Variants in ABR observed in about 807,000 individuals in gnomAD.
ABR encodes the protein ABR activator of RhoGEF and GTPase.
Under a neutral mutation model 107.2 loss-of-function variants are expected in ABR, and 35 were observed. The observed-to-expected ratio is 0.33, with a 90% CI of 0.25 to 0.43. ABR has a LOEUF of 0.43. Ranked by LOEUF, ABR falls within the 20% of genes least tolerant of loss-of-function variation. The pLI, the probability that ABR is intolerant of heterozygous loss-of-function variation, is 1.00. For missense variants in ABR, 815 were observed against 1,115.2 expected (o/e 0.73, Z 3.83); for synonymous variants, 498 against 462.0 (o/e 1.08, Z -1.00).
At chr17:1,059,271 C>A (rs2151084936) in intron 10 of ABR, among the ~76,000 whole-genome samples, 1 of 152,330 alleles carries the variant, frequency 6.6e-6, no homozygotes, top group Non-Finnish European at 1.5e-5. Context: ...TGGTGCCAAG[C>A]CCTTTCCCTG....
intron 1 of ABR, among the ~76,000 whole-genome samples, chr17:1,225,444 G>C (rs1256781835): frequency 1.3e-5 from 2 of 152,108 alleles, no homozygotes; most frequent in Non-Finnish European, 2.9e-5. Context: ...CCTGAGGTCA[G>C]GAGTTCAAGA....
At position 1,057,024 on chromosome 17, in the gene ABR, T is replaced by C; in HGVS notation, c.1460A>G (p.Asn487Ser). 6.2e-7 allele frequency: 1 copy of C among 1,611,710 alleles called. No individual in the cohort carries two copies. Among genetic ancestry groups the C allele is most frequent in the South Asian group, 1.1e-5 (1 of 90,982 alleles). The change falls in exon 13 of 23, where the codon AAC (asparagine) becomes AGC (serine). Residue 487 changes from asparagine to serine, a missense_variant. By Grantham distance (46) the Asn-to-Ser change is conservative. Transcript: ENST00000302538. ...GSCFKLRTVH[N>S]IPVTSNKDDD... Reference sequence around the variant, plus strand: ...GTCTTTATTGCTGGTGACAGGAATGTTGTGTACAGTCCTAAGCTTGAAACA... The same window carrying C: ...GTCTTTATTGCTGGTGACAGGAATGCTGTGTACAGTCCTAAGCTTGAAACA...
chr17:1,153,362 T>G (rs925344389), intron 1 of ABR, among the ~76,000 whole-genome samples: 1 of 148,472 alleles, frequency 6.7e-6, no homozygotes, highest in Non-Finnish European at 1.5e-5. Context: ...CCCCAGCAGA[T>G]GGCACACCTG....
intron 1 of ABR, among the ~76,000 whole-genome samples, chr17:1,186,445 T>G (rs945510156): frequency 6.6e-6 from 1 of 152,178 alleles, no homozygotes; most frequent in African/African-American, 2.4e-5. Context: ...GGAGCTGCAT[T>G]CACCCCCTCA....
At chr17:1,041,366 T>C (rs959665190) in intron 16 of ABR, among the ~76,000 whole-genome samples, 1 of 152,238 alleles carries the variant, frequency 6.6e-6, no homozygotes, top group African/African-American at 2.4e-5. Context: ...CAGCACCGAC[T>C]GGCTCTTCCA....
At chr17:1,098,112 G>C (rs573654886) in intron 3 of ABR, among the ~76,000 whole-genome samples, 1 of 144,586 alleles carries the variant, frequency 6.9e-6, no homozygotes, top group African/African-American at 2.6e-5. Context: ...TCACTGTGTC[G>C]CCCAGGCTGG....
At chr17:1,012,610 G>A (rs894095131) in intron 18 of ABR, 78 bp downstream of exon 18, 37 of 1,065,356 alleles carry the variant, frequency 3.5e-5, no homozygotes, top group Middle Eastern at 2.0e-4. Flanking sequence ...GGGCACCGGC[G>A]GGGAGGGCTG....
intron 3 of ABR, among the ~76,000 whole-genome samples, chr17:1,093,807 T>C (rs2037201346): frequency 6.6e-6 from 1 of 152,130 alleles, no homozygotes; most frequent in Admixed American, 6.6e-5. Context: ...CTCACTCTGA[T>C]GGAGACAGAA....
chr17:1,179,866 G>C lies in ABR; in HGVS notation c.-139C>G, dbSNP rs1474852869. 1 of 858,794 alleles carries C rather than the reference G, an allele frequency of 1.2e-6. No homozygotes were observed. Among genetic ancestry groups the C allele is most frequent in the Non-Finnish European group, 1.6e-6 (1 of 616,562 alleles). 53.2% of individuals were successfully genotyped at this position (858,794 alleles called of 1,614,324 possible). On this transcript the variant is annotated 5_prime_UTR_variant, in exon 1 of 23. Transcript: ENST00000302538. The surrounding 1 kb of genome is among the most constrained non-coding windows in gnomAD (Gnocchi z 4.9). ...GCCGGGAACCAGGTCCCCGGGAGGA[G>C]CGCGGGGCGGCCGGGGCAGGGGCGA...
Position 1,210,106 on chromosome 17 carries a change from T to C in ABR, c.838+18687A>G, listed in dbSNP as rs369588774. 8.5e-5 allele frequency among the ~76,000 whole-genome samples: 13 copies of C among 152,310 alleles called. No homozygotes were observed. The East Asian group carries it at 9.6e-4, about 11-fold the overall frequency. ...CACTAAATTAGTGACGGCTGATCTC[T>C]TAGAGAGACAGGGAGAAAGTAGAGG... On this transcript the variant is annotated intron_variant, in intron 1 of 22. Transcript: ENST00000574139. The surrounding 1 kb of genome is among the most constrained non-coding windows in gnomAD (Gnocchi z 5.6).
intron 1 of ABR, among the ~76,000 whole-genome samples, chr17:1,224,789 T>C (rs2043183111): frequency 6.6e-6 from 1 of 152,138 alleles, no homozygotes; most frequent in African/African-American, 2.4e-5. Flanking sequence ...ATCCTCCCAC[T>C]TCAGCCTCCT....
intron 1 of ABR, among the ~76,000 whole-genome samples, chr17:1,159,163 C>A (rs2151559256): frequency 6.6e-6 from 1 of 152,360 alleles, no homozygotes; most frequent in East Asian, 1.9e-4. Flanking sequence ...CTCAGGAGTC[C>A]AAGAGAAGTA....
chr17:1,037,417 G>A lies in ABR; in HGVS notation c.1791+12633C>T, dbSNP rs978683629. Among the ~76,000 whole-genome samples the A allele has an allele frequency of 6.6e-6, 1 of 152,166 alleles. No homozygotes were observed. Among genetic ancestry groups the A allele is most frequent in the Non-Finnish European group, 1.5e-5 (1 of 68,018 alleles). On this transcript the variant is annotated intron_variant, in intron 16 of 22. Coordinates refer to ENST00000302538, the MANE Select transcript of ABR (RefSeq NM_021962.5). The surrounding 1 kb of genome is among the most constrained non-coding windows in gnomAD (Gnocchi z 4.6). ...GTGCTCGGTGGTTCTAGGTACGGAG[G>A]AGAGGCTGAAACAGCCCAAGAGCTT...
chr17:1,082,802 A>G (rs1323712817), intron 5 of ABR, among the ~76,000 whole-genome samples: 1 of 152,192 alleles, frequency 6.6e-6, no homozygotes, highest in Non-Finnish European at 1.5e-5. Flanking sequence ...TGTGTTTTAA[A>G]CAATGCCCCA....
At chr17:1,113,254 G>A (rs1355517483) in intron 2 of ABR, among the ~76,000 whole-genome samples, 2 of 145,598 alleles carry the variant, frequency 1.4e-5, no homozygotes, top group African/African-American at 5.1e-5. Flanking sequence ...TTCTGGAAGG[G>A]ATAACATGGA....
At chr17:1,089,936 G>T (rs1252583347) in intron 4 of ABR, among the ~76,000 whole-genome samples, 1 of 152,200 alleles carries the variant, frequency 6.6e-6, no homozygotes, top group Non-Finnish European at 1.5e-5. Flanking sequence ...CTCCAGCCTG[G>T]GCGACAGGAG....
rs189198662 is a variant in ABR at position 1,159,731 on chromosome 17, G to A, written c.61+19936C>T. Among the ~76,000 whole-genome samples, 5 of 151,990 alleles carry A rather than the reference G, an allele frequency of 3.3e-5. No individual in the cohort carries two copies. In the East Asian group the frequency reaches 7.7e-4, roughly 24 times the overall value. On this transcript the variant is annotated intron_variant, in intron 1 of 22. Transcript: ENST00000302538. ...GTACTCACGCACAAGGGAAGTATGC[G>A]GTACTCACACACAGGAGAAGTAGGA...
At position 1,148,133 on chromosome 17, in the gene ABR, C is replaced by T. The variant is rs575003229; in HGVS notation, c.62-22766G>A. Among the ~76,000 whole-genome samples, 13 of 152,284 alleles carry T rather than the reference C, an allele frequency of 8.5e-5. No individual in the cohort carries two copies. Among genetic ancestry groups the T allele is most frequent in the Admixed American group, 5.9e-4 (9 of 15,298 alleles). On this transcript the variant is annotated intron_variant, in intron 1 of 22. Transcript: ENST00000302538. This position sits in a 1 kb window ranked among gnomAD's most constrained non-coding sequence, Gnocchi z 4.9. ...TGAGTGAAGTAAGCCCAAAGGTTGTCGGGGAAATACCCGCATTCCTAAGAG... is the reference window on the plus strand; with the variant it reads ...TGAGTGAAGTAAGCCCAAAGGTTGTTGGGGAAATACCCGCATTCCTAAGAG...
Position 1,198,922 on chromosome 17 carries a change from C to T in ABR, c.838+29871G>A, listed in dbSNP as rs112348588. On this transcript the variant is annotated intron_variant, in intron 1 of 22. Transcript: ENST00000574139. ...TGCTGGGATTACAGGCGTGAGCTAC[C>T]GCGCCTGGCCAATCCCAGCTACTTG... Among the ~76,000 whole-genome samples, 574 of 149,302 alleles carry T rather than the reference C, an allele frequency of 3.8e-3. 18 individuals carry two copies. The highest frequency in any genetic ancestry group is 0.014 in the African/African-American group (550 of 39,906).
Sources: gnomAD v4.1 joint callset for allele counts (sites outside exome capture counted in the v4.1 genomes callset) on GRCh38, gnomAD v4.1.1 for gene constraint, Gnocchi (gnomAD v3.1) non-coding constraint, MANE v1.5 for transcripts, NCBI Gene and HGNC (gene_info 2026-07-23, HGNC 2026-07-21) for gene names.